STARD9: variants seen among roughly 807,000 people sequenced by gnomAD.
STARD9 encodes the protein stAR-related lipid transfer protein 9.
A neutral mutation model predicts 399.8 loss-of-function variants in STARD9; 346 were observed. The ratio of observed to expected loss-of-function variants is 0.87; its 90% CI spans 0.79 to 0.95. The LOEUF (loss-of-function observed/expected upper bound fraction) is 0.95. STARD9 is among the 40% of genes least tolerant of loss of function. The probability of loss-of-function intolerance (pLI) is 0.00; values close to 1 mark genes in which losing one functional copy is unlikely to be tolerated. For synonymous variants in STARD9, 2,203 were observed against 2,143.5 expected (o/e 1.03, Z -0.77); for missense variants, 5,832 against 5,667.5 (o/e 1.03, Z -0.93).
chr15:42,658,288 GGT>G (rs56286330), intron 9 of STARD9, among the ~76,000 whole-genome samples: 76,573 of 145,628 alleles, frequency 0.53, 21,386 homozygotes, highest in Admixed American at 0.65. Context: ...GGGACTTACA[GGT>G]GTGTGTGTGT....
At position 42,692,904 on chromosome 15, in the gene STARD9, G is replaced by A. The variant is rs573307611; in HGVS notation, c.11326G>A (p.Gly3776Arg). 3 of 1,537,220 alleles carry A rather than the reference G, an allele frequency of 2.0e-6. No homozygotes were observed. In the Admixed American group the frequency reaches 5.9e-5, roughly 30 times the overall value. The change falls in exon 23 of 33, where the codon GGA (glycine) becomes AGA (arginine). Residue 3776 changes from glycine (G) to arginine (R), a missense_variant. Around this residue, in one of 2 missense-constraint regions of STARD9, gnomAD observed 5,828 missense variants for 5,651.1 expected, o/e 1.03. Coordinates refer to ENST00000290607, the MANE Select transcript of STARD9 (RefSeq NM_020759.3). Reference sequence around the variant, plus strand: ...TACCTCGACTGTGTCTCAAGAAGAGGGAGATGTGCCAGGGGTACCTCAGAA... The same window carrying A: ...TACCTCGACTGTGTCTCAAGAAGAGAGAGATGTGCCAGGGGTACCTCAGAA... ...SDTSTVSQEE[G>R]DVPGVPQKRE... is the part of the protein sequence containing the mutation.
In STARD9 at chr15:42,693,123, G is replaced by C. The variant is rs1241723285; in HGVS notation, c.11545G>C (p.Glu3849Gln). The C allele has an allele frequency of 6.5e-7, 1 of 1,537,196 alleles. No homozygotes were observed. The highest frequency in any genetic ancestry group is 1.2e-5 in the South Asian group (1 of 84,058). The stretch of plus-strand genomic sequence containing the variant: ...TTTCCTGCCTCCCAGCTCCCAGCCA[G>C]AGGAGTCATATTGCTTAGTTGTCAG... ...DAFLPPSSQPEESYCLVVSSP... is the reference protein window; with the variant it reads ...DAFLPPSSQPQESYCLVVSSP... The change falls in exon 23 of 33, where the codon GAG (glutamate) becomes CAG (glutamine). Residue 3849 changes from glutamate to glutamine, a missense_variant. Physicochemically the swap from Glu to Gln is conservative, Grantham distance 29. This residue lies in a region of STARD9 where 5,828 missense variants were observed against 5,651.1 expected (regional missense o/e 1.03). Transcript: ENST00000290607.
In STARD9 at chr15:42,685,895, C is replaced by A. The variant is rs1265088168; in HGVS notation, c.4317C>A (p.Thr1439=). Residue 1439 remains threonine (T), a synonymous_variant, in exon 23 of 33, where the codon ACC becomes ACA. Coordinates refer to ENST00000290607, the MANE Select transcript of STARD9 (RefSeq NM_020759.3). The part of the protein sequence containing the change: ...QRLIQPGADG[T]FQGRCIPDMT... ...TTATTCAACCAGGAGCTGATGGCAC[C>A]TTTCAGGGCAGATGTATCCCTGACA... 1 of 1,537,150 alleles carries A rather than the reference C, an allele frequency of 6.5e-7. No individual in the cohort carries two copies. Among genetic ancestry groups the A allele is most frequent in the Admixed American group, 2.0e-5 (1 of 51,006 alleles).
intron 10 of STARD9, 63 bp from the exon 11 acceptor site, chr15:42,662,731 A>C (rs988047171): frequency 9.3e-7 from 1 of 1,076,334 alleles, no homozygotes; most frequent in East Asian, 2.6e-5. Context: ...GTATTTTTCA[A>C]CAGCATTGTA....
At position 42,682,123 on chromosome 15, in the gene STARD9, A is replaced by T. The variant is rs527405383; in HGVS notation, c.2085A>T (p.Arg695Ser). 6.5e-7 allele frequency: 1 copy of T among 1,537,004 alleles called. No homozygotes were observed. The highest frequency in any genetic ancestry group is 2.0e-5 in the Admixed American group (1 of 51,000). Residue 695 changes from arginine (R) to serine (S), a missense_variant, in exon 22 of 33, where the codon AGA becomes AGT. Transcript: ENST00000290607. ...TCCCAGACCAGCAGTGTCTGCTCAG[A>T]GAAGAGACCTGGCTGGCCAGCTTGC... is the stretch of plus-strand genomic sequence containing the variant. ...QIKENQQCLLREETWLASLQQ... is the reference protein window; with the variant it reads ...QIKENQQCLLSEETWLASLQQ...
At chr15:42,663,971 A>ATT in intron 13 of STARD9, 54 bp downstream of exon 13, 2 of 1,216,808 alleles carry the variant, frequency 1.6e-6, no homozygotes, top group Non-Finnish European at 2.3e-6. Flanking sequence ...AGCTTTCCTT[A>ATT]TTTTTTTTTC....
chr15:42,676,450 G>T (rs1445726541), intron 20 of STARD9, among the ~76,000 whole-genome samples: 1 of 152,150 alleles, frequency 6.6e-6, no homozygotes, highest in African/African-American at 2.4e-5. Context: ...GACTGAGAAG[G>T]CTTTCTTTCT....
chr15:42,714,317 C>T (rs889229221), intron 26 of STARD9, among the ~76,000 whole-genome samples: 9 of 152,186 alleles, frequency 5.9e-5, no homozygotes, highest in East Asian at 3.9e-4. Context: ...CCACCCGCCT[C>T]GGCCTACCAA....
intron 3 of STARD9, among the ~76,000 whole-genome samples, chr15:42,588,565 C>T (rs1228794091): frequency 1.3e-5 from 2 of 151,852 alleles, no homozygotes; most frequent in Non-Finnish European, 2.9e-5. Flanking sequence ...TGGAGTGGAG[C>T]CAGAGGTCCC....
chr15:42,637,947 C>G lies in STARD9; in HGVS notation c.384+8C>G, dbSNP rs1566893767. 2 of 1,537,264 alleles carry G rather than the reference C, an allele frequency of 1.3e-6. No individual in the cohort carries two copies. Among genetic ancestry groups the G allele is most frequent in the Non-Finnish European group, 1.7e-6 (2 of 1,146,886 alleles). ...ACACCACGGATATGTGAGGTATAGA[C>G]TATCTTTTGGCTGGATCCTCTCAAA... On this transcript the variant is annotated splice_region_variant and intron_variant, in intron 5 of 32. Coordinates refer to ENST00000290607, the MANE Select transcript of STARD9 (RefSeq NM_020759.3).
At chr15:42,587,747 T>C (rs866336402) in intron 3 of STARD9, among the ~76,000 whole-genome samples, 1 of 152,150 alleles carries the variant, frequency 6.6e-6, no homozygotes, top group Non-Finnish European at 1.5e-5. Flanking sequence ...GTATTTTTAA[T>C]AGAGACGAGG....
chr15:42,582,944 G>T (rs2058204281), intron 1 of STARD9, among the ~76,000 whole-genome samples: 2 of 152,188 alleles, frequency 1.3e-5, no homozygotes, highest in Non-Finnish European at 2.9e-5. Context: ...TTAAATCCTA[G>T]CTCTGCCACT....
At chr15:42,635,147 T>C (rs2059395632) in intron 4 of STARD9, among the ~76,000 whole-genome samples, 175 bp downstream of exon 4, 1 of 151,684 alleles carries the variant, frequency 6.6e-6, no homozygotes, top group Admixed American at 6.6e-5. Flanking sequence ...GGCTCACGCC[T>C]GTAATCCCAG....
intron 1 of STARD9, 63 bp downstream of exon 1, chr15:42,575,825 C>T: frequency 1.4e-6 from 2 of 1,479,374 alleles, no homozygotes; most frequent in South Asian, 1.2e-5. Context: ...GGGAGGTCCG[C>T]GTCTCCCCCT....
In STARD9 at chr15:42,718,783, T is replaced by C. The variant is rs2061398151; in HGVS notation, c.13874T>C (p.Val4625Ala). ...GHLSVMAAQSVYDTSMPRPSR... is the reference protein window; with the variant it reads ...GHLSVMAAQSAYDTSMPRPSR... ...CTGTCTGTCATGGCAGCCCAGTCTG[T>C]GTATGATACATCCATGCCAAGACCC... is the stretch of plus-strand genomic sequence containing the variant. Residue 4625 changes from valine to alanine, a missense_variant, in exon 32 of 33, where the codon GTG becomes GCG. Transcript: ENST00000290607. The C allele has an allele frequency of 6.5e-7, 1 of 1,537,126 alleles. No homozygotes were observed. Among genetic ancestry groups the C allele is most frequent in the South Asian group, 1.2e-5 (1 of 84,062 alleles).
intron 3 of STARD9, among the ~76,000 whole-genome samples, chr15:42,616,219 GATTTATGTGC>G (rs1419540601): frequency 6.6e-6 from 1 of 152,308 alleles, no homozygotes; most frequent in East Asian, 1.9e-4. Context: ...CTCCAGAAAT[GATTTATGTGC>G]AAATGAAAGG....
rs1307904153 is a variant in STARD9, at chr15:42,689,207, C to T, written c.7629C>T (p.Asp2543=). 1 of 1,537,274 alleles carries T rather than the reference C, an allele frequency of 6.5e-7. No homozygotes were observed. The highest frequency in any genetic ancestry group is 1.2e-5 in the South Asian group (1 of 84,058). ...SPEPRLLEPS[D]HASMCLAILE... Reference sequence around the variant, plus strand: ...AGCCTAGGCTGTTGGAGCCCTCTGACCATGCATCCATGTGCCTGGCCATCT... The same window carrying T: ...AGCCTAGGCTGTTGGAGCCCTCTGATCATGCATCCATGTGCCTGGCCATCT... Residue 2543 remains aspartate, a synonymous_variant, in exon 23 of 33, where the codon GAC becomes GAT. Coordinates refer to ENST00000290607, the MANE Select transcript of STARD9 (RefSeq NM_020759.3).
Position 42,690,819 on chromosome 15 carries a change from TTAA to T in STARD9, c.9244_9246del (p.Ile3082del), listed in dbSNP as rs374659128. 7.8e-4 allele frequency: 1,200 copies of T among 1,537,058 alleles called. 6 individuals are homozygous for T. In the African/African-American group the frequency reaches 0.015, roughly 19 times the overall value. Reference sequence around the variant, plus strand: ...CTCAGCTACTGATGGAAGCGTGGGGTTAATAGGGGTTCCTGAGAAAAAGGTTGC... The same window carrying T: ...CTCAGCTACTGATGGAAGCGTGGGGTTAGGGGTTCCTGAGAAAAAGGTTGC... On this transcript the variant is annotated inframe_deletion, in exon 23 of 33. Transcript: ENST00000290607.
intron 7 of STARD9, among the ~76,000 whole-genome samples, chr15:42,647,665 G>C (rs967731444): frequency 6.6e-6 from 1 of 151,858 alleles, no homozygotes. Context: ...CTTTTGCTTT[G>C]TTTTACCTTT....
Sources: gnomAD v4.1 joint callset for allele counts (sites outside exome capture counted in the v4.1 genomes callset) on GRCh38, gnomAD v4.1.1 for gene constraint, gnomAD v4.1.1 regional missense constraint, MANE v1.5 for transcripts, NCBI Gene and HGNC (gene_info 2026-07-23, HGNC 2026-07-21) for gene names.